Variants in FAF1 observed in about 807,000 individuals in gnomAD.
FAF1 encodes the protein FAS-associated factor 1.
Under a neutral mutation model 92.5 loss-of-function variants are expected in FAF1, and 25 were observed. The observed-to-expected ratio is 0.27, with a 90% CI of 0.20 to 0.38. The LOEUF (loss-of-function observed/expected upper bound fraction) is 0.38, where lower values mean the gene tolerates loss of function less well. Among genes scored for constraint, FAF1 ranks in the 10% least tolerant of loss-of-function variants. FAF1 has a pLI of 1.00. For synonymous variants in FAF1, 234 were observed against 273.2 expected (o/e 0.86, Z 1.42); for missense variants, 636 against 793.3 (o/e 0.80, Z 2.38).
intron 5 of FAF1, among the ~76,000 whole-genome samples, chr1:50,742,369 G>A (rs1217034422): frequency 7.0e-6 from 1 of 143,166 alleles, no homozygotes; most frequent in African/African-American, 2.5e-5. Flanking sequence ...AACCAAGGCT[G>A]TGTTCAAATT....
chr1:50,875,237 T>A (rs1362074278), intron 1 of FAF1, among the ~76,000 whole-genome samples: 1 of 152,014 alleles, frequency 6.6e-6, no homozygotes, highest in East Asian at 1.9e-4. Flanking sequence ...TTTCAGACTG[T>A]AGATTTTGGG....
chr1:50,686,181 T>A (rs897528840), intron 7 of FAF1, among the ~76,000 whole-genome samples: 49 of 152,310 alleles, frequency 3.2e-4, no homozygotes, highest in African/African-American at 1.1e-3. Context: ...CTTGAAATGT[T>A]ATTCTAGTAG....
intron 1 of FAF1, among the ~76,000 whole-genome samples, chr1:50,887,653 G>T (rs1226590708): frequency 6.6e-6 from 1 of 152,106 alleles, no homozygotes; most frequent in African/African-American, 2.4e-5. Flanking sequence ...CCCATTTCTT[G>T]TTTTTATCAG....
At chr1:50,563,231 C>T (rs1650015475) in intron 13 of FAF1, among the ~76,000 whole-genome samples, 1 of 152,074 alleles carries the variant, frequency 6.6e-6, no homozygotes. Context: ...TTTACAGGTA[C>T]ATCCTACTAT....
intron 7 of FAF1, among the ~76,000 whole-genome samples, chr1:50,699,527 T>C (rs941646381): frequency 6.6e-6 from 1 of 152,106 alleles, no homozygotes; most frequent in Non-Finnish European, 1.5e-5. Flanking sequence ...TTGCAAAAAA[T>C]GGTTGGCTCA....
chr1:50,864,828 A>G (rs1644466692), intron 1 of FAF1, among the ~76,000 whole-genome samples: 2 of 152,166 alleles, frequency 1.3e-5, no homozygotes, highest in South Asian at 4.1e-4. Context: ...ACAAAAGCCA[A>G]AATTGACAAA....
At chr1:50,748,113 T>C (rs1220223327) in intron 4 of FAF1, among the ~76,000 whole-genome samples, 2 of 152,154 alleles carry the variant, frequency 1.3e-5, no homozygotes, top group Non-Finnish European at 2.9e-5. Context: ...AGAGAAAGCT[T>C]TGTGAGAGAA....
At chr1:50,724,699 T>C (rs1658572958) in intron 6 of FAF1, among the ~76,000 whole-genome samples, 1 of 152,164 alleles carries the variant, frequency 6.6e-6, no homozygotes, top group Admixed American at 6.5e-5. Flanking sequence ...AGTGGAAAAA[T>C]AGAGCCAATT....
intron 5 of FAF1, among the ~76,000 whole-genome samples, chr1:50,741,139 G>A (rs1157748459): frequency 6.6e-6 from 1 of 152,222 alleles, no homozygotes; most frequent in Admixed American, 6.5e-5. Context: ...CTGGTGTGAT[G>A]GAGAATGCTG....
chr1:50,763,036 C>T (rs139244188), intron 4 of FAF1, among the ~76,000 whole-genome samples: 1,978 of 152,196 alleles, frequency 0.013, 42 homozygotes, highest in African/African-American at 0.044. Flanking sequence ...CAGGTGATCA[C>T]CTGAGGTCAG....
At chr1:50,613,992 G>A (rs979966877) in intron 8 of FAF1, among the ~76,000 whole-genome samples, 4 of 152,046 alleles carry the variant, frequency 2.6e-5, no homozygotes, top group African/African-American at 9.7e-5. Context: ...AGCTACTTGG[G>A]AGGCTGAGGC....
chr1:50,710,968 G>A (rs1657900698), intron 6 of FAF1, among the ~76,000 whole-genome samples: 1 of 147,948 alleles, frequency 6.8e-6, no homozygotes, highest in Non-Finnish European at 1.5e-5. Flanking sequence ...GGAGTGCAGT[G>A]GCGCAATCTC....
chr1:50,484,317 CT>C lies in FAF1; in HGVS notation c.1653+6270del, dbSNP rs139168720. Among the ~76,000 whole-genome samples the C allele has an allele frequency of 9.8e-3, 1,488 of 152,158 alleles. 24 individuals carry two copies. Among genetic ancestry groups the C allele is most frequent in the African/African-American group, 0.034 (1,414 of 41,508 alleles). ...TCAAATAGATGATTTTTGCTTGCTTCTGGATATAAAGAACAGTCTGTAGGCT... is the reference window on the plus strand; with the variant it reads ...TCAAATAGATGATTTTTGCTTGCTTCGGATATAAAGAACAGTCTGTAGGCT... On this transcript the variant is annotated intron_variant, in intron 17 of 18. Transcript: ENST00000396153.
intron 8 of FAF1, chr1:50,606,781 G>GTT (rs1652449147): frequency 6.6e-6 from 1 of 152,370 alleles, no homozygotes. Context: ...TATTACAGGC[G>GTT]TGAGCCACCG....
chr1:50,485,667 C>CAAAAAAAAAAA (rs999538430), intron 17 of FAF1, among the ~76,000 whole-genome samples: 4 of 13,716 alleles, frequency 2.9e-4, no homozygotes, highest in African/African-American at 9.4e-4. Context: ...GAGACTGTCT[C>CAAAAAAAAAAA]AAAAAAAAAA....
chr1:50,755,244 T>C (rs1569890158), intron 4 of FAF1, among the ~76,000 whole-genome samples: 2 of 152,252 alleles, frequency 1.3e-5, no homozygotes. Flanking sequence ...GGTACCGGCA[T>C]TGGATAAATA....
chr1:50,811,887 T>A (rs997614808), intron 2 of FAF1, among the ~76,000 whole-genome samples: 21 of 151,982 alleles, frequency 1.4e-4, no homozygotes, highest in African/African-American at 5.1e-4. Flanking sequence ...TGGAACAGAA[T>A]AGAGAGCCAA....
chr1:50,674,728 G>GA (rs1307993791), intron 7 of FAF1, among the ~76,000 whole-genome samples: 1 of 152,110 alleles, frequency 6.6e-6, no homozygotes, highest in African/African-American at 2.4e-5. Flanking sequence ...CATAGCCAAT[G>GA]AAAGTCACTT....
intron 4 of FAF1, among the ~76,000 whole-genome samples, chr1:50,757,454 G>C (rs1012684447): frequency 6.6e-6 from 1 of 152,056 alleles, no homozygotes; most frequent in African/African-American, 2.4e-5. Context: ...ACACAGTTAG[G>C]ATACTTATGT....
Sources: gnomAD v4.1 joint callset for allele counts (sites outside exome capture counted in the v4.1 genomes callset) on GRCh38, gnomAD v4.1.1 for gene constraint, MANE v1.5 for transcripts, NCBI Gene and HGNC (gene_info 2026-07-23, HGNC 2026-07-21) for gene names.